Variants in CRACD observed in about 807,000 individuals in gnomAD.
CRACD encodes the protein capping protein inhibiting regulator of actin dynamics.
A neutral mutation model predicts 106.8 loss-of-function variants in CRACD; 56 were observed. That is an observed-to-expected ratio of 0.52 (90% CI 0.42 to 0.66). CRACD has a LOEUF of 0.66. Among genes scored for constraint, CRACD ranks in the 30% least tolerant of loss-of-function variants. CRACD has a pLI of 0.00. For synonymous variants in CRACD, 754 were observed against 670.8 expected, an observed-to-expected ratio of 1.12 and a Z score of -1.92; for missense variants, 1,730 against 1,623.2, an observed-to-expected ratio of 1.07 and a Z score of -1.13.
At chr4:56,124,253 T>C (rs1168262275) in intron 1 of CRACD, among the ~76,000 whole-genome samples, 1 of 152,218 alleles carries the variant, frequency 6.6e-6, no homozygotes, top group African/African-American at 2.4e-5. Context: ...AATTTTTTAA[T>C]GATGGAAATG....
At chr4:56,068,709 G>A (rs1732539030) in intron 1 of CRACD, among the ~76,000 whole-genome samples, 1 of 152,102 alleles carries the variant, frequency 6.6e-6, no homozygotes, top group East Asian at 1.9e-4. Flanking sequence ...AGGAATCAAG[G>A]ATGATGCCAA....
At chr4:56,235,018 A>G (rs1409906545) in intron 2 of CRACD, among the ~76,000 whole-genome samples, 1 of 152,186 alleles carries the variant, frequency 6.6e-6, no homozygotes, top group Non-Finnish European at 1.5e-5. Context: ...GTTTAAGGGC[A>G]TGTTTTCAAC....
chr4:56,168,965 A>G (rs1261175722), intron 1 of CRACD, among the ~76,000 whole-genome samples: 2 of 152,158 alleles, frequency 1.3e-5, no homozygotes, highest in African/African-American at 4.8e-5. Context: ...TAGTTCAGCA[A>G]CAAACTTCAC....
At chr4:56,295,454 A>G (rs561666232) in intron 3 of CRACD, among the ~76,000 whole-genome samples, 1 of 151,986 alleles carries the variant, frequency 6.6e-6, no homozygotes, top group South Asian at 2.1e-4. Context: ...GGAAGTGAGT[A>G]ATGAATGGAC....
At chr4:56,235,268 G>A (rs1040331445) in intron 2 of CRACD, among the ~76,000 whole-genome samples, 18 of 152,104 alleles carry the variant, frequency 1.2e-4, no homozygotes, top group African/African-American at 3.9e-4. Context: ...AAACAGATAA[G>A]ACATCTAAAG....
chr4:56,066,414 A>G lies in CRACD; in HGVS notation c.-336+17115A>G, dbSNP rs533771497. 2.0e-5 allele frequency among the ~76,000 whole-genome samples: 3 copies of G among 152,302 alleles called. No individual in the cohort carries two copies. The East Asian group carries it at 5.8e-4, about 29-fold the overall frequency. The stretch of plus-strand genomic sequence containing the variant: ...TCTAAAATCACAGGTGTGGTGGCTC[A>G]TGGCTGTAATCCAAGCACTTTGAGA... On this transcript the variant is annotated intron_variant, in intron 1 of 10. Coordinates refer to ENST00000682029, the MANE Select transcript of CRACD (RefSeq NM_001393381.1).
At chr4:56,237,800 A>T (rs1472413433) in intron 2 of CRACD, among the ~76,000 whole-genome samples, 1 of 151,748 alleles carries the variant, frequency 6.6e-6, no homozygotes, top group African/African-American at 2.4e-5. Flanking sequence ...AGAGCGATGG[A>T]TGAATCAGTC....
chr4:56,152,631 C>T (rs1735621057), intron 1 of CRACD, among the ~76,000 whole-genome samples: 1 of 151,954 alleles, frequency 6.6e-6, no homozygotes, highest in Non-Finnish European at 1.5e-5. Flanking sequence ...CCCAGGAGTT[C>T]AAGGGTGCAG....
At chr4:56,081,422 A>G (rs991940334) in intron 1 of CRACD, among the ~76,000 whole-genome samples, 2 of 152,166 alleles carry the variant, frequency 1.3e-5, no homozygotes, top group Non-Finnish European at 2.9e-5. Context: ...GGAGGTACGT[A>G]TTTAATATTT....
intron 2 of CRACD, among the ~76,000 whole-genome samples, chr4:56,202,097 A>G (rs1737905588): frequency 6.6e-6 from 1 of 152,204 alleles, no homozygotes; most frequent in East Asian, 1.9e-4. Context: ...TGGAAATTAC[A>G]ATTTTCCTTT....
chr4:56,167,732 C>T (rs1413675917), intron 1 of CRACD, among the ~76,000 whole-genome samples: 1 of 152,048 alleles, frequency 6.6e-6, no homozygotes, highest in African/African-American at 2.4e-5. Context: ...ATTCACAAAA[C>T]CAATATGTGG....
chr4:56,306,877 C>T (rs17086662), intron 4 of CRACD, among the ~76,000 whole-genome samples: 1,749 of 152,262 alleles, frequency 0.011, 32 homozygotes, highest in East Asian at 0.094. Flanking sequence ...GCAAAGAGGA[C>T]GTCCAGATTG....
intron 8 of CRACD, chr4:56,321,217 G>C (rs1281660019): frequency 1.2e-5 from 3 of 257,894 alleles, no homozygotes; most frequent in Non-Finnish European, 2.3e-5. Flanking sequence ...TTTTTGAGAA[G>C]TGTCAAGAGA....
chr4:56,288,828 T>C (rs1743530195), intron 3 of CRACD, among the ~76,000 whole-genome samples: 1 of 152,222 alleles, frequency 6.6e-6, no homozygotes. Context: ...AGCACACCCA[T>C]GTTCATTGCA....
chr4:56,209,201 C>G (rs756774003), intron 2 of CRACD, among the ~76,000 whole-genome samples: 1 of 152,086 alleles, frequency 6.6e-6, no homozygotes, highest in Non-Finnish European at 1.5e-5. Flanking sequence ...TTTATAATCT[C>G]GTACAATTAA....
chr4:56,204,929 G>A (rs746839084), intron 2 of CRACD, among the ~76,000 whole-genome samples: 1 of 151,928 alleles, frequency 6.6e-6, no homozygotes, highest in Non-Finnish European at 1.5e-5. Context: ...GTAGGCCGAG[G>A]CGGGAGGATC....
rs567339644 is a variant in CRACD, at chr4:56,310,797, C to A, written c.354+63C>A. ...TTACTTAACTTTCATCTTCCCCCCC[C>A]CTTTTTTTTTTTTGCGACCTGCTGC... On this transcript the variant is annotated intron_variant, in intron 6 of 10. Transcript: ENST00000682029. 77 of 974,378 alleles carry A rather than the reference C, an allele frequency of 7.9e-5. No individual in the cohort carries two copies. In the East Asian group the frequency reaches 1.3e-3, roughly 17 times the overall value. 60.4% of individuals were successfully genotyped at this position (974,378 alleles called of 1,614,324 possible). A position where few individuals can be genotyped will look rare whatever the true frequency, so the allele number is the denominator to read the frequency against.
At chr4:56,298,800 G>T (rs1272582326) in intron 4 of CRACD, among the ~76,000 whole-genome samples, 3 of 152,076 alleles carry the variant, frequency 2.0e-5, no homozygotes, top group African/African-American at 7.2e-5. Context: ...GGATGTGGTG[G>T]CACACACCTG....
intron 3 of CRACD, among the ~76,000 whole-genome samples, chr4:56,283,566 A>C (rs1743157251): frequency 6.6e-6 from 1 of 152,056 alleles, no homozygotes; most frequent in Non-Finnish European, 1.5e-5. Context: ...GGCCAATCAC[A>C]TGTTCTCCCC....
Sources: gnomAD v4.1 joint callset for allele counts (sites outside exome capture counted in the v4.1 genomes callset) on GRCh38, gnomAD v4.1.1 for gene constraint, MANE v1.5 for transcripts, NCBI Gene and HGNC (gene_info 2026-07-23, HGNC 2026-07-21) for gene names.